PRKG1: variants seen among roughly 807,000 people sequenced by gnomAD.
PRKG1 encodes the protein protein kinase cGMP-dependent 1.
Under a neutral mutation model 88.1 loss-of-function variants are expected in PRKG1, and 35 were observed. That is an observed-to-expected ratio of 0.40 (90% confidence interval 0.30 to 0.53). The LOEUF (loss-of-function observed/expected upper bound fraction) is 0.53. Ranked by LOEUF, PRKG1 falls within the 20% of genes least tolerant of loss-of-function variation. The pLI, the probability that PRKG1 is intolerant of heterozygous loss-of-function variation, is 0.59. For synonymous variants in PRKG1, 303 were observed against 292.5 expected, an observed-to-expected ratio of 1.04 and a Z score of -0.37; for missense variants, 540 against 839.8, an observed-to-expected ratio of 0.64 and a Z score of 4.41.
intron 3 of PRKG1, among the ~76,000 whole-genome samples, chr10:51,526,333 T>C (rs968639866): frequency 6.6e-6 from 1 of 152,202 alleles, no homozygotes; most frequent in East Asian, 1.9e-4. Flanking sequence ...AAAATTTGGT[T>C]AGTAGAAAAT....
chr10:51,959,712 G>A (rs548446271), intron 5 of PRKG1, among the ~76,000 whole-genome samples: 61 of 152,252 alleles, frequency 4.0e-4, no homozygotes, highest in African/African-American at 1.4e-3. Flanking sequence ...TGGGCTCAGT[G>A]ACTGATGAAA....
chr10:51,012,080 G>A (rs189478886), intron 1 of PRKG1, among the ~76,000 whole-genome samples: 107 of 152,288 alleles, frequency 7.0e-4, no homozygotes, highest in African/African-American at 1.5e-3. Flanking sequence ...ATTGCCTCCC[G>A]TGACATGTGT....
chr10:51,113,067 C>T (rs1845016377), intron 1 of PRKG1, among the ~76,000 whole-genome samples: 1 of 152,174 alleles, frequency 6.6e-6, no homozygotes, highest in African/African-American at 2.4e-5. Context: ...TGATTTTACA[C>T]CTCTGTGCCA....
At chr10:51,076,750 A>T (rs1417635342) in intron 1 of PRKG1, among the ~76,000 whole-genome samples, 1 of 152,216 alleles carries the variant, frequency 6.6e-6, no homozygotes, top group Admixed American at 6.5e-5. Flanking sequence ...AAACAAACGA[A>T]AAAGGTCCAG....
chr10:51,334,095 C>T (rs543659301), intron 2 of PRKG1, among the ~76,000 whole-genome samples: 2 of 151,078 alleles, frequency 1.3e-5, no homozygotes, highest in East Asian at 2.0e-4. Flanking sequence ...TCTTCCCATG[C>T]TGGTTTTATT....
intron 3 of PRKG1, among the ~76,000 whole-genome samples, chr10:51,488,304 T>C (rs1285697774): frequency 6.6e-6 from 1 of 152,188 alleles, no homozygotes; most frequent in African/African-American, 2.4e-5. Flanking sequence ...ACTTTGGTCA[T>C]TCTAGGTTTT....
intron 2 of PRKG1, among the ~76,000 whole-genome samples, chr10:51,375,145 A>G (rs1349771125): frequency 6.6e-6 from 1 of 152,234 alleles, no homozygotes; most frequent in Admixed American, 6.5e-5. Context: ...TAAGGCATGC[A>G]TATCAGGATG....
At chr10:52,037,857 A>AAGGAAGATT (rs1297501948) in intron 5 of PRKG1, among the ~76,000 whole-genome samples, 14 of 152,118 alleles carry the variant, frequency 9.2e-5, no homozygotes, top group African/African-American at 2.9e-4. Context: ...ATCTGTAGAA[A>AAGGAAGATT]AGGAAGATTA....
intron 9 of PRKG1, among the ~76,000 whole-genome samples, chr10:52,223,261 C>A (rs953119388): frequency 4.6e-5 from 7 of 152,112 alleles, no homozygotes; most frequent in African/African-American, 1.7e-4. Context: ...GAGCTTTTAT[C>A]CATACTGCTC....
chr10:52,093,732 C>T (rs572577651), intron 7 of PRKG1, among the ~76,000 whole-genome samples: 1 of 151,986 alleles, frequency 6.6e-6, no homozygotes, highest in Admixed American at 6.6e-5. Flanking sequence ...TAGGTGTTGC[C>T]TTAGTCTAGA....
At chr10:51,008,038 C>T (rs1842958240) in intron 1 of PRKG1, among the ~76,000 whole-genome samples, 1 of 152,180 alleles carries the variant, frequency 6.6e-6, no homozygotes, top group African/African-American at 2.4e-5. Context: ...GGCTCTAGGG[C>T]TCTGACACTA....
At chr10:51,419,265 A>G (rs1358062522) in intron 2 of PRKG1, among the ~76,000 whole-genome samples, 1 of 152,174 alleles carries the variant, frequency 6.6e-6, no homozygotes, top group Admixed American at 6.6e-5. Context: ...GCAGTATATC[A>G]GTGACAATCA....
At chr10:51,906,261 A>G (rs1235858349) in intron 4 of PRKG1, among the ~76,000 whole-genome samples, 1 of 152,180 alleles carries the variant, frequency 6.6e-6, no homozygotes, top group Non-Finnish European at 1.5e-5. Context: ...TCCTCATTAT[A>G]TGTTGAGGCA....
chr10:51,133,360 A>G (rs975017721), intron 1 of PRKG1, among the ~76,000 whole-genome samples: 8 of 152,136 alleles, frequency 5.3e-5, no homozygotes, highest in African/African-American at 1.9e-4. Context: ...TGCTCTTACA[A>G]TTTGATGATA....
At chr10:51,569,233 G>T (rs1173179348) in intron 3 of PRKG1, among the ~76,000 whole-genome samples, 1 of 152,030 alleles carries the variant, frequency 6.6e-6, no homozygotes, top group Admixed American at 6.6e-5. Context: ...AGATAAGGTT[G>T]TGTTTTCTCC....
At chr10:51,292,932 A>C (rs556197579) in intron 2 of PRKG1, among the ~76,000 whole-genome samples, 95 of 152,166 alleles carry the variant, frequency 6.2e-4, no homozygotes, top group African/African-American at 2.2e-3. Flanking sequence ...TCTCTAATGA[A>C]CTTTGGAGGA....
At chr10:51,567,207 C>T (rs895835722) in intron 3 of PRKG1, among the ~76,000 whole-genome samples, 1 of 151,968 alleles carries the variant, frequency 6.6e-6, no homozygotes, top group African/African-American at 2.4e-5. Context: ...GTGCCTCTCC[C>T]TACTCACTTT....
intron 14 of PRKG1, among the ~76,000 whole-genome samples, chr10:52,286,217 A>C (rs935975932): frequency 6.6e-6 from 1 of 152,076 alleles, no homozygotes; most frequent in African/African-American, 2.4e-5. Context: ...ATTGGGAGTG[A>C]AGACAGTTAA....
intron 2 of PRKG1, among the ~76,000 whole-genome samples, chr10:51,282,888 G>A (rs1336342599): frequency 6.6e-6 from 1 of 152,112 alleles, no homozygotes; most frequent in African/African-American, 2.4e-5. Flanking sequence ...GGGGGTACAT[G>A]TGCAGGTTTG....
Sources: gnomAD v4.1 joint callset for allele counts (sites outside exome capture counted in the v4.1 genomes callset) on GRCh38, gnomAD v4.1.1 for gene constraint, MANE v1.5 for transcripts, NCBI Gene and HGNC (gene_info 2026-07-23, HGNC 2026-07-21) for gene names.